NUP62CL: variants seen among roughly 807,000 people sequenced by gnomAD.
NUP62CL encodes nucleoporin-62 C-terminal-like protein.
Under a neutral mutation model 15.3 loss-of-function variants are expected in NUP62CL, and 13 were observed. The observed-to-expected ratio is 0.85, with a 90% confidence interval of 0.55 to 1.35. The LOEUF is 1.35. Ranked by LOEUF, NUP62CL falls within the 40% of genes most tolerant of loss-of-function variation. The pLI, the probability that NUP62CL is intolerant of heterozygous loss-of-function variation, is 0.00. For missense variants in NUP62CL, 123 were observed against 130.6 expected (o/e 0.94, Z 0.28); for synonymous variants, 54 against 49.2 (o/e 1.10, Z -0.41).
chrX:107,151,239 G>GA (rs778189875), intron 7 of NUP62CL, among the ~76,000 whole-genome samples: 1 of 111,202 alleles, frequency 9.0e-6, no homozygotes, highest in Non-Finnish European at 1.9e-5. Flanking sequence ...ATACCCTGGG[G>GA]ATCTGTAGAG....
In NUP62CL at chrX:107,126,800, G is replaced by A. The variant is rs752645532; in HGVS notation, c.*43-2468C>T. Among the ~76,000 whole-genome samples, 3 of 112,402 alleles carry A rather than the reference G, an allele frequency of 2.7e-5. 1 individual carries two copies. Among genetic ancestry groups the A allele is most frequent in the South Asian group, 3.7e-4 (1 of 2,716 alleles). On this transcript the variant is annotated intron_variant, in intron 8 of 8. Transcript: ENST00000372466. ...TGTAATCCCAGCACTTTGGGGGGCC[G>A]AGGCAAGAGGATCACCTGAGGTCAG...
At chrX:107,204,051 T>TTTA (rs1927551813) in intron 1 of NUP62CL, among the ~76,000 whole-genome samples, 1 of 111,416 alleles carries the variant, frequency 9.0e-6, no homozygotes, top group Non-Finnish European at 1.9e-5. Context: ...ATTCTTTTTT[T>TTTA]TTATTATTAT....
chrX:107,198,582 T>C (rs945790639), intron 1 of NUP62CL, among the ~76,000 whole-genome samples: 1 of 111,324 alleles, frequency 9.0e-6, no homozygotes, highest in Non-Finnish European at 1.9e-5. Context: ...AGAACAACTC[T>C]GGACGCACCA....
chrX:107,198,939 A>G (rs894396370), intron 1 of NUP62CL, among the ~76,000 whole-genome samples: 1 of 112,310 alleles, frequency 8.9e-6, no homozygotes, highest in African/African-American at 3.2e-5. Flanking sequence ...ATAATTTTAA[A>G]AAATTACTAT....
chrX:107,130,645 C>A (rs1254870068), intron 8 of NUP62CL, among the ~76,000 whole-genome samples: 1 of 111,131 alleles, frequency 9.0e-6, no homozygotes, highest in Non-Finnish European at 1.9e-5. Flanking sequence ...AAGAAAGCAA[C>A]AATTAAGGAC....
chrX:107,164,192 G>GA (rs1337111462), intron 4 of NUP62CL, among the ~76,000 whole-genome samples: 3 of 111,287 alleles, frequency 2.7e-5, no homozygotes, highest in Non-Finnish European at 5.7e-5. Context: ...GATCAATACA[G>GA]AAAAAACAAC....
chrX:107,147,690 C>G (rs1182465682), intron 8 of NUP62CL, 53 bp downstream of exon 8: 22 of 744,854 alleles, frequency 3.0e-5, no homozygotes, highest in Non-Finnish European at 4.4e-5. Context: ...TGACATGTAT[C>G]ACGTTTTCTA....
At chrX:107,184,966 G>A (rs1171044502) in intron 2 of NUP62CL, among the ~76,000 whole-genome samples, 2 of 111,128 alleles carry the variant, frequency 1.8e-5, no homozygotes, top group East Asian at 2.8e-4. Context: ...GAAAAGAACT[G>A]TCAACTCACA....
intron 1 of NUP62CL, among the ~76,000 whole-genome samples, chrX:107,198,394 C>T (rs1033212163): frequency 6.3e-5 from 7 of 111,722 alleles, no homozygotes; most frequent in Non-Finnish European, 5.6e-5. Context: ...GAGCCAGGAG[C>T]AGCAACCCAC....
chrX:107,141,164 G>A (rs757773588), intron 8 of NUP62CL, among the ~76,000 whole-genome samples: 7 of 112,058 alleles, frequency 6.2e-5, no homozygotes, highest in Non-Finnish European at 1.1e-4. Flanking sequence ...AGAAAAGGAA[G>A]TTTGGGAAGT....
intron 2 of NUP62CL, among the ~76,000 whole-genome samples, chrX:107,189,932 A>AGAAG (rs1569365708): frequency 9.2e-6 from 1 of 108,242 alleles, no homozygotes; most frequent in Non-Finnish European, 1.9e-5. Context: ...AAAGAAAGAA[A>AGAAG]GAAAGAAAGA....
At chrX:107,162,887 A>G (rs1319619580) in intron 4 of NUP62CL, among the ~76,000 whole-genome samples, 1 of 110,947 alleles carries the variant, frequency 9.0e-6, no homozygotes, top group Non-Finnish European at 1.9e-5. Context: ...GATCCCTTGC[A>G]TGTGTAGTTT....
intron 2 of NUP62CL, among the ~76,000 whole-genome samples, chrX:107,189,404 T>A (rs1189071423): frequency 9.1e-6 from 1 of 110,387 alleles, no homozygotes; most frequent in South Asian, 3.8e-4. Context: ...GTAGAAAAAA[T>A]ACAAATATCC....
chrX:107,137,482 G>A (rs965583859), intron 8 of NUP62CL, among the ~76,000 whole-genome samples: 1 of 111,410 alleles, frequency 9.0e-6, no homozygotes, highest in South Asian at 3.8e-4. Context: ...TGTCTATAAG[G>A]AAAATTCCGA....
intron 4 of NUP62CL, among the ~76,000 whole-genome samples, chrX:107,157,613 G>C (rs1484607312): frequency 1.8e-5 from 2 of 108,153 alleles, no homozygotes; most frequent in East Asian, 5.8e-4. Flanking sequence ...TGCCCTAAAA[G>C]AGCTCCTGAA....
intron 2 of NUP62CL, among the ~76,000 whole-genome samples, chrX:107,189,353 A>G (rs1476416766): frequency 8.9e-6 from 1 of 111,790 alleles, no homozygotes; most frequent in Non-Finnish European, 1.9e-5. Flanking sequence ...AAAAATCAGT[A>G]CACAAATGTT....
rs1293578838 is a variant in NUP62CL at position 107,153,502 on chromosome X, A to C, written c.347T>G (p.Ile116Ser). Residue 116 changes from isoleucine (I) to serine (S), a missense_variant and splice_region_variant, in exon 6 of 9, where the codon ATT becomes AGT. Ile to Ser is a moderately radical substitution (Grantham distance 142, BLOSUM62 -2). Transcript: ENST00000372466. ...DHTLIENGEMIRILHGEVNKV... is the reference protein window; with the variant it reads ...DHTLIENGEMSRILHGEVNKV... ...GTTCACTTCTCCATGTAAAATACGA[A>C]TCTATAAAGAGAAATATGAATACAA... is the stretch of plus-strand genomic sequence containing the variant. 1.1e-5 allele frequency: 12 copies of C among 1,086,174 alleles called. No homozygotes were observed. The highest frequency in any genetic ancestry group is 2.9e-5 in the Admixed American group (1 of 34,338). The allele number at this position is 1,086,174 out of a possible 1,213,427, so 89.5% of individuals were successfully genotyped here.
intron 1 of NUP62CL, among the ~76,000 whole-genome samples, chrX:107,193,683 T>C (rs1399710366): frequency 1.8e-5 from 2 of 108,512 alleles, no homozygotes; most frequent in Non-Finnish European, 3.8e-5. Flanking sequence ...CTAGGTCACA[T>C]ATAGTCAAAA....
At chrX:107,162,278 A>G (rs1490738028) in intron 4 of NUP62CL, among the ~76,000 whole-genome samples, 1 of 110,670 alleles carries the variant, frequency 9.0e-6, no homozygotes, top group Non-Finnish European at 1.9e-5. Context: ...TAAGAGCTCC[A>G]GAAAGAGAGG....
Sources: gnomAD v4.1 joint callset for allele counts (sites outside exome capture counted in the v4.1 genomes callset) on GRCh38, gnomAD v4.1.1 for gene constraint, MANE v1.5 for transcripts, NCBI Gene and HGNC (gene_info 2026-07-23, HGNC 2026-07-21) for gene names.